The following GAA variants were observed in gnomAD, a reference collection of about 807,000 sequenced individuals.
GAA encodes the protein lysosomal alpha-glucosidase.
In GAA, 88 loss-of-function variants were observed where a neutral mutation model predicts 103.9. The ratio of observed to expected loss-of-function variants is 0.85; its 90% CI spans 0.71 to 1.01. GAA has a LOEUF of 1.01. Ranked by LOEUF, GAA falls within the 50% of genes least tolerant of loss-of-function variation. The probability of loss-of-function intolerance (pLI) is 0.00; values close to 1 mark genes in which losing one functional copy is unlikely to be tolerated. For synonymous variants in GAA, 572 were observed against 563.1 expected, an observed-to-expected ratio of 1.02 and a Z score of -0.22; for missense variants, 1,350 against 1,305.3, an observed-to-expected ratio of 1.03 and a Z score of -0.53.
Position 80,108,574 on chromosome 17 carries a change from G to C in GAA, c.1161G>C (p.Val387=), listed in dbSNP as rs756211975. 8.7e-6 allele frequency: 14 copies of C among 1,612,764 alleles called. No individual in the cohort carries two copies. Among genetic ancestry groups the C allele is most frequent in the Admixed American group, 1.7e-5 (1 of 59,968 alleles). The change falls in exon 7 of 20, where the codon GTG becomes GTC. Residue 387 remains valine (V), a synonymous_variant. Coordinates refer to ENST00000302262, the MANE Select transcript of GAA (RefSeq NM_000152.5). The part of the protein sequence containing the change: ...GYSSTAITRQ[V]VENMTRAHFP... ...CCTCCACCGCTATCACCCGCCAGGT[G>C]GTGGAGAACATGACCAGGGCCCACT... is the stretch of plus-strand genomic sequence containing the variant.
At chr17:80,111,376 A>G (rs910604546) in intron 11 of GAA, among the ~76,000 whole-genome samples, 5 of 152,196 alleles carry the variant, frequency 3.3e-5, no homozygotes, top group Non-Finnish European at 7.3e-5. Context: ...AGCACGGGCA[A>G]GTGGATTTCT....
intron 17 of GAA, 91 bp from the exon 18 acceptor site, chr17:80,118,101 TG>T (rs3214708): frequency 1.4e-6 from 2 of 1,425,548 alleles, no homozygotes; most frequent in Non-Finnish European, 1.9e-6. Flanking sequence ...ACTGGCAGCC[TG>T]GTGCTGTACC....
rs367661167 is a variant in GAA, at chr17:80,105,903, T to C, written c.692+9T>C. 52 of 1,589,278 alleles carry C rather than the reference T, an allele frequency of 3.3e-5. No individual in the cohort carries two copies. Among genetic ancestry groups the C allele is most frequent in the Non-Finnish European group, 4.4e-5 (51 of 1,171,126 alleles). ...CTGGACGGCCGCGTGCTGTGAGTTC[T>C]GGGCTCTGTGCCAGCATGATGGGGA... is the stretch of plus-strand genomic sequence containing the variant. On this transcript the variant is annotated intron_variant, in intron 3 of 19. Coordinates refer to ENST00000302262, the MANE Select transcript of GAA (RefSeq NM_000152.5).
At position 80,108,842 on chromosome 17, in the gene GAA, C is replaced by T. The variant is rs766543187; in HGVS notation, c.1326+14C>T. ...ATGATGATCGTGGTGTGTGCCCCCA[C>T]ACTGTGGGTCTTTGGGAAGGGGGCC... On this transcript the variant is annotated intron_variant, in intron 8 of 19. Coordinates refer to ENST00000302262, the MANE Select transcript of GAA (RefSeq NM_000152.5). The T allele has an allele frequency of 6.3e-7, 1 of 1,577,094 alleles. No homozygotes were observed. The highest frequency in any genetic ancestry group is 1.1e-5 in the South Asian group (1 of 87,150).
rs181283580 is a variant in GAA, at chr17:80,106,247, G to A, written c.692+353G>A. ...GCTCATTCATTTACTCAGTGTCCAC[G>A]CACTGACCCTCCGTGCCGGGTGGTT... On this transcript the variant is annotated intron_variant, in intron 3 of 19. Coordinates refer to ENST00000302262, the MANE Select transcript of GAA (RefSeq NM_000152.5). Among the ~76,000 whole-genome samples the A allele has an allele frequency of 1.5e-3, 229 of 152,318 alleles. 3 individuals carry two copies. Among genetic ancestry groups the A allele is most frequent in the African/African-American group, 5.2e-3 (217 of 41,558 alleles).
intron 15 of GAA, 191 bp from the exon 16 acceptor site, chr17:80,116,777 C>T: frequency 4.6e-6 from 3 of 651,668 alleles, no homozygotes; most frequent in African/African-American, 1.8e-5. Context: ...GAAGGCTTCT[C>T]CCAGCTCCGG....
chr17:80,109,865 C>G, intron 8 of GAA, 80 bp from the exon 9 acceptor site: 1 of 993,116 alleles, frequency 1.0e-6, no homozygotes, highest in South Asian at 1.3e-5. Context: ...CAGCCTCATC[C>G]TCTCACTGTC....
At chr17:80,103,613 A>G (rs746271916) in intron 1 of GAA, among the ~76,000 whole-genome samples, 2 of 152,224 alleles carry the variant, frequency 1.3e-5, no homozygotes, top group Non-Finnish European at 2.9e-5. Context: ...CCTTACCAGC[A>G]GAATAATGAA....
intron 15 of GAA, among the ~76,000 whole-genome samples, chr17:80,114,922 C>T (rs143463871): frequency 1.3e-5 from 2 of 152,302 alleles, no homozygotes; most frequent in East Asian, 1.9e-4. Flanking sequence ...TCTTGACTGG[C>T]GGTCGTTTCT....
chr17:80,112,353 C>T (rs978652534), intron 12 of GAA: 14 of 652,408 alleles, frequency 2.1e-5, no homozygotes, highest in Admixed American at 1.3e-4. Flanking sequence ...GCGGGGACCT[C>T]ATGACTCCTG....
At position 80,112,687 on chromosome 17, in the gene GAA, G is replaced by A. The variant is rs1440511384; in HGVS notation, c.1864G>A (p.Glu622Lys). The A allele has an allele frequency of 1.9e-6, 3 of 1,610,568 alleles. No individual in the cohort carries two copies. In the African/African-American group the frequency reaches 4.0e-5, roughly 21 times the overall value. The change falls in exon 13 of 20, where the codon GAG becomes AAG. Residue 622 changes from glutamate to lysine, a missense_variant. Glu to Lys is a moderately conservative substitution (Grantham distance 56). Transcript: ENST00000302262. ...HWTGDVWSSWEQLASSVPEIL... is the reference protein window; with the variant it reads ...HWTGDVWSSWKQLASSVPEIL... ...GACGGGGGACGTGTGGAGCTCCTGGGAGCAGCTCGCCTCCTCCGTGCCAGG... is the reference window on the plus strand; with the variant it reads ...GACGGGGGACGTGTGGAGCTCCTGGAAGCAGCTCGCCTCCTCCGTGCCAGG...
At chr17:80,112,204 C>A in intron 12 of GAA, 104 bp downstream of exon 12, 1 of 1,168,768 alleles carries the variant, frequency 8.6e-7, no homozygotes, top group Non-Finnish European at 1.3e-6. Context: ...GAGGCCCAGA[C>A]CACCCGGGGC....
In GAA at chr17:80,105,856, C is replaced by G; in HGVS notation, c.654C>G (p.Phe218Leu). ...LYSVEFSEEP[F>L]GVIVRRQLDG... ...GCGTGGAGTTCTCCGAGGAGCCCTTCGGGGTGATCGTGCGCCGGCAGCTGG... is the reference window on the plus strand; with the variant it reads ...GCGTGGAGTTCTCCGAGGAGCCCTTGGGGGTGATCGTGCGCCGGCAGCTGG... Residue 218 changes from phenylalanine to leucine, a missense_variant, in exon 3 of 20, where the codon TTC (phenylalanine) becomes TTG (leucine). By Grantham distance (22) the Phe-to-Leu change is conservative. Transcript: ENST00000302262. The G allele has an allele frequency of 1.9e-6, 3 of 1,605,852 alleles. No individual in the cohort carries two copies. The highest frequency in any genetic ancestry group is 2.5e-6 in the Non-Finnish European group (3 of 1,178,678).
rs2039185772 is a variant in GAA at position 80,109,793 on chromosome 17, G to C, written c.1327-152G>C. On this transcript the variant is annotated intron_variant, in intron 8 of 19. Coordinates refer to ENST00000302262, the MANE Select transcript of GAA (RefSeq NM_000152.5). ...CCGGCCCTGGCTCCTCTCCAGGCAG[G>C]CGTGTGCAGGCATGTGCAGGTACAC... 5.0e-6 allele frequency: 3 copies of C among 605,460 alleles called. No individual in the cohort carries two copies. In the South Asian group the frequency reaches 6.3e-5, roughly 13 times the overall value. The allele number at this position is 605,460 out of a possible 1,614,324, so 37.5% of individuals were successfully genotyped here. A position where few individuals can be genotyped will look rare whatever the true frequency, so the allele number is the denominator to read the frequency against.
At position 80,104,692 on chromosome 17, in the gene GAA, C is replaced by A; in HGVS notation, c.106C>A (p.Leu36Met). 6.2e-7 allele frequency: 1 copy of A among 1,613,322 alleles called. No individual in the cohort carries two copies. The highest frequency in any genetic ancestry group is 2.2e-5 in the East Asian group (1 of 44,874). Residue 36 changes from leucine to methionine, a missense_variant, in exon 2 of 20, where the codon CTG (leucine) becomes ATG (methionine). Physicochemically the swap from Leu to Met is conservative, Grantham distance 15 (BLOSUM62 2). Transcript: ENST00000302262. The surrounding 1 kb of genome is among the most constrained non-coding windows in gnomAD (Gnocchi z 4.0). The stretch of plus-strand genomic sequence containing the variant: ...GGGGCACATCCTACTCCATGATTTC[C>A]TGCTGGTTCCCCGAGAGCTGAGTGG... ...LLGHILLHDF[L>M]LVPRELSGSS...
In GAA at chr17:80,113,298, C is replaced by CG. The variant is rs1567836403; in HGVS notation, c.2121_2122insG (p.His708AlafsTer29). 6.3e-7 allele frequency: 1 copy of CG among 1,599,402 alleles called. No homozygotes were observed. The highest frequency in any genetic ancestry group is 1.1e-5 in the South Asian group (1 of 88,282). On this transcript the variant is annotated frameshift_variant, in exon 15 of 20. Transcript: ENST00000302262. LOFTEE classifies it high-confidence loss of function. ...TCACCCTGCGCTACGCACTCCTCCC[C>CG]CACCTCTACACACTGTTCCACCAGG...
At position 80,112,885 on chromosome 17, in the gene GAA, A is replaced by C. The variant is rs2039274878; in HGVS notation, c.1898A>C (p.Gln633Pro). ...GACTCTGCCCTCCCAGAAATCCTGC[A>C]GTTTAACCTGCTGGGGGTGCCTCTG... ...QLASSVPEIL[Q>P]FNLLGVPLVG... The change falls in exon 14 of 20, where the codon CAG (glutamine) becomes CCG (proline). Residue 633 changes from glutamine (Q) to proline (P), a missense_variant. Coordinates refer to ENST00000302262, the MANE Select transcript of GAA (RefSeq NM_000152.5). 2 of 1,609,148 alleles carry C rather than the reference A, an allele frequency of 1.2e-6. No individual in the cohort carries two copies. The highest frequency in any genetic ancestry group is 1.7e-6 in the Non-Finnish European group (2 of 1,178,132).
chr17:80,108,666 C>A, intron 7 of GAA, 31 bp from the exon 8 acceptor site: 1 of 1,612,774 alleles, frequency 6.2e-7, no homozygotes, highest in Non-Finnish European at 8.5e-7. Context: ...CTCCTCAGGC[C>A]CCAGCAGACG....
chr17:80,111,803 C>G, intron 11 of GAA, 180 bp from the exon 12 acceptor site: 1 of 611,552 alleles, frequency 1.6e-6, no homozygotes, highest in Non-Finnish European at 2.9e-6. Flanking sequence ...AGATGATTAC[C>G]CAGGTTCCCG....
Sources: allele counts gnomAD v4.1 joint callset (sites outside exome capture counted in the v4.1 genomes callset), GRCh38; gene constraint gnomAD v4.1.1; non-coding constraint Gnocchi (gnomAD v3.1); transcripts MANE v1.5; gene names NCBI Gene and HGNC (gene_info 2026-07-23, HGNC 2026-07-21).